DNAH10: variants seen among roughly 807,000 people sequenced by gnomAD.
The protein encoded by DNAH10 is dynein axonemal heavy chain 10.
DNAH10 carries 348 observed loss-of-function variants against 506.6 expected under a neutral mutation model. That is an observed-to-expected ratio of 0.69 (90% CI 0.63 to 0.75). DNAH10 has a LOEUF of 0.75. DNAH10 is among the 30% of genes least tolerant of loss of function. The pLI is 0.00. For synonymous variants in DNAH10, 2,059 were observed against 2,198.6 expected (o/e 0.94, Z 1.78); for missense variants, 5,179 against 5,787.1 (o/e 0.89, Z 3.41).
At position 123,918,952 on chromosome 12, in the gene DNAH10, G is replaced by A. The variant is rs377766451; in HGVS notation, c.11506+3G>A. On this transcript the variant is annotated splice_donor_region_variant and intron_variant, in intron 65 of 78. Coordinates refer to ENST00000673944, the MANE Select transcript of DNAH10 (RefSeq NM_001372106.1). ...CATCTATAACCACGGCTGCACAGGT[G>A]AGCTCTCCCCACAGAGGAGGACATG... 4,564 of 1,605,786 alleles carry A rather than the reference G, an allele frequency of 2.8e-3. 154 individuals are homozygous for A. The South Asian group carries it at 0.048, about 17-fold the overall frequency.
intron 18 of DNAH10, among the ~76,000 whole-genome samples, chr12:123,805,343 C>T (rs1377417753): frequency 6.6e-6 from 1 of 152,202 alleles, no homozygotes; most frequent in Non-Finnish European, 1.5e-5. Flanking sequence ...TCCCAGAGGA[C>T]TTCCTTGTTC....
At chr12:123,833,021 T>C (rs1960740333) in intron 26 of DNAH10, 93 bp from the exon 27 acceptor site, 7 of 925,448 alleles carry the variant, frequency 7.6e-6, no homozygotes, top group Non-Finnish European at 1.2e-5. Flanking sequence ...ATTGCATTGT[T>C]GGCCAAAAGC....
At chr12:123,915,659 C>T (rs1241468778) in intron 62 of DNAH10, among the ~76,000 whole-genome samples, 1 of 152,188 alleles carries the variant, frequency 6.6e-6, no homozygotes, top group Non-Finnish European at 1.5e-5. Context: ...TTCACTCAGC[C>T]TGATGTTTTC....
chr12:123,836,826 C>T (rs918073906), intron 28 of DNAH10, among the ~76,000 whole-genome samples: 6 of 151,744 alleles, frequency 4.0e-5, no homozygotes, highest in Admixed American at 3.9e-4. Flanking sequence ...CGAGACCAGC[C>T]TGGCCAATAT....
intron 23 of DNAH10, among the ~76,000 whole-genome samples, chr12:123,820,348 C>T (rs1336231764): frequency 1.3e-5 from 2 of 152,152 alleles, no homozygotes; most frequent in African/African-American, 4.8e-5. Flanking sequence ...AAATAGTCTC[C>T]TTTCTGAATG....
chr12:123,901,288 C>T (rs1953508376), intron 56 of DNAH10, among the ~76,000 whole-genome samples: 1 of 152,218 alleles, frequency 6.6e-6, no homozygotes, highest in East Asian at 1.9e-4. Flanking sequence ...CCACCCCCCA[C>T]CCCCGCGCCT....
In DNAH10 at chr12:123,762,454, A is replaced by C; in HGVS notation, c.118A>C (p.Ile40Leu). Residue 40 changes from isoleucine to leucine, a missense_variant, in exon 1 of 79, where the codon ATC becomes CTC. Physicochemically the swap from Ile to Leu is conservative, Grantham distance 5. Around this residue, in one of 3 missense-constraint regions of DNAH10, gnomAD observed 326 missense variants for 330.8 expected, o/e 0.99. Transcript: ENST00000673944. The surrounding 1 kb of genome is among the most constrained non-coding windows in gnomAD (Gnocchi z 5.0). ...CGACGACGGCCAGGGCGAGGACCTC[A>C]TCTTGCACTTCCTCAACCAGGCGAG... ...NRDDGQGEDL[I>L]LHFLNQASEE... is the part of the protein sequence containing the mutation. The C allele has an allele frequency of 2.7e-6, 4 of 1,497,594 alleles. No individual in the cohort carries two copies. Among genetic ancestry groups the C allele is most frequent in the Non-Finnish European group, 3.6e-6 (4 of 1,120,434 alleles). 92.8% of individuals were successfully genotyped at this position (1,497,594 alleles called of 1,614,324 possible).
chr12:123,884,247 A>T (rs1441313669), intron 51 of DNAH10, among the ~76,000 whole-genome samples: 1 of 152,148 alleles, frequency 6.6e-6, no homozygotes. Context: ...GTTGGCCAGG[A>T]TGGTCTTGAA....
At chr12:123,820,881 C>A in intron 24 of DNAH10, 123 bp downstream of exon 24, 1 of 1,126,648 alleles carries the variant, frequency 8.9e-7, no homozygotes, top group Non-Finnish European at 1.3e-6. Context: ...TGGAAACGCT[C>A]ATTTTGGCCG....
intron 15 of DNAH10, among the ~76,000 whole-genome samples, chr12:123,800,754 C>G (rs1482906536): frequency 6.6e-6 from 1 of 151,714 alleles, no homozygotes; most frequent in Non-Finnish European, 1.5e-5. Flanking sequence ...TGTGGTGGCT[C>G]ACGCCTGTAA....
intron 52 of DNAH10, 92 bp downstream of exon 52, chr12:123,887,405 G>T (rs1341731944): frequency 9.7e-6 from 14 of 1,443,634 alleles, no homozygotes; most frequent in Non-Finnish European, 1.3e-5. Flanking sequence ...TCCAGACACT[G>T]TGGGTAGCCC....
rs1223227206 is a variant in DNAH10, at chr12:123,865,985, T to A, written c.7079T>A (p.Val2360Asp). The change falls in exon 41 of 79, where the codon GTC becomes GAC. Residue 2360 changes from valine (V) to aspartate (D), a missense_variant. Transcript: ENST00000673944. Reference sequence around the variant, plus strand: ...TTACAGTATGCCTCCCCTGCAACTGTCTCTCGATGTGGAATGGTTTATGTG... The same window carrying A: ...TTACAGTATGCCTCCCCTGCAACTGACTCTCGATGTGGAATGGTTTATGTG... ...GDLQYASPATVSRCGMVYVDP... is the reference protein window; with the variant it reads ...GDLQYASPATDSRCGMVYVDP... 6.2e-7 allele frequency: 1 copy of A among 1,609,362 alleles called. No homozygotes were observed. Among genetic ancestry groups the A allele is most frequent in the East Asian group, 2.2e-5 (1 of 44,600 alleles).
intron 1 of DNAH10, among the ~76,000 whole-genome samples, chr12:123,765,466 T>C (rs1056134914): frequency 1.3e-5 from 2 of 152,306 alleles, no homozygotes; most frequent in Non-Finnish European, 2.9e-5. Context: ...GGTGTGTTTC[T>C]GGTTGGCTCT....
intron 36 of DNAH10, among the ~76,000 whole-genome samples, chr12:123,854,787 C>G (rs1951323840): frequency 6.6e-6 from 1 of 152,192 alleles, no homozygotes; most frequent in Non-Finnish European, 1.5e-5. Flanking sequence ...TTCAGTAAAT[C>G]TATGTCACAG....
chr12:123,784,576 G>C (rs1395404066), intron 8 of DNAH10, among the ~76,000 whole-genome samples: 1 of 152,118 alleles, frequency 6.6e-6, no homozygotes, highest in Non-Finnish European at 1.5e-5. Flanking sequence ...AAAAAATTGT[G>C]ATAAAATAGA....
At chr12:123,834,515 A>T (rs1027194772) in intron 27 of DNAH10, among the ~76,000 whole-genome samples, 33 of 152,178 alleles carry the variant, frequency 2.2e-4, no homozygotes, top group Admixed American at 6.5e-4. Flanking sequence ...GTCAAAAAAA[A>T]TTTTCTATTG....
At chr12:123,786,037 CT>C in intron 9 of DNAH10, 101 bp downstream of exon 9, 1 of 1,286,738 alleles carries the variant, frequency 7.8e-7, no homozygotes, top group Non-Finnish European at 1.1e-6. Flanking sequence ...ATATAATTCT[CT>C]TACTTAAAAT....
chr12:123,765,092 G>T (rs1482274699), intron 1 of DNAH10, among the ~76,000 whole-genome samples: 1 of 151,492 alleles, frequency 6.6e-6, no homozygotes, highest in Non-Finnish European at 1.5e-5. Context: ...TCCTCTTTCT[G>T]CCCCCCTTCC....
Position 123,916,876 on chromosome 12 carries a change from T to C in DNAH10, c.11002+140T>C. 9.2e-7 allele frequency: 1 copy of C among 1,087,940 alleles called. No homozygotes were observed. Among genetic ancestry groups the C allele is most frequent in the Non-Finnish European group, 1.3e-6 (1 of 782,650 alleles). 67.4% of individuals were successfully genotyped at this position (1,087,940 alleles called of 1,614,324 possible). A position where few individuals can be genotyped will look rare whatever the true frequency, so the allele number is the denominator to read the frequency against. ...CATAGGCACATCTGGACTAGTCAGC[T>C]CTTACCAATTAGGTACCACTTAGAA... On this transcript the variant is annotated intron_variant, in intron 63 of 78. Transcript: ENST00000673944. This position sits in a 1 kb window ranked among gnomAD's most constrained non-coding sequence, Gnocchi z 4.6.
Sources: allele counts gnomAD v4.1 joint callset (sites outside exome capture counted in the v4.1 genomes callset), GRCh38; gene constraint gnomAD v4.1.1; regional missense constraint gnomAD v4.1.1; non-coding constraint Gnocchi (gnomAD v3.1); transcripts MANE v1.5; gene names NCBI Gene and HGNC (gene_info 2026-07-23, HGNC 2026-07-21).